Variants in PDSS2 observed in about 807,000 individuals in gnomAD.
PDSS2 encodes all trans-polyprenyl-diphosphate synthase PDSS2.
In PDSS2, 31 loss-of-function variants were observed where a neutral mutation model predicts 44.5. The observed-to-expected ratio is 0.70, with a 90% confidence interval of 0.52 to 0.94. The LOEUF (loss-of-function observed/expected upper bound fraction) is 0.94, where lower values mean the gene tolerates loss of function less well. Among genes scored for constraint, PDSS2 ranks in the 40% least tolerant of loss-of-function variants. The probability of loss-of-function intolerance (pLI) is 0.00; values close to 1 mark genes in which losing one functional copy is unlikely to be tolerated. For missense variants in PDSS2, 452 were observed against 482.2 expected, an observed-to-expected ratio of 0.94 and a Z score of 0.59; for synonymous variants, 157 against 180.3, an observed-to-expected ratio of 0.87 and a Z score of 1.03.
intron 1 of PDSS2, among the ~76,000 whole-genome samples, chr6:107,440,647 T>C (rs1781486695): frequency 6.6e-6 from 1 of 152,238 alleles, no homozygotes; most frequent in Non-Finnish European, 1.5e-5. Flanking sequence ...CCAGGAGATA[T>C]AAAAATGGTG....
chr6:107,265,185 A>AT (rs2114903231), intron 3 of PDSS2, among the ~76,000 whole-genome samples: 1 of 152,312 alleles, frequency 6.6e-6, no homozygotes, highest in East Asian at 1.9e-4. Flanking sequence ...AAGACCCCTA[A>AT]TATCTTCAGG....
At chr6:107,426,180 A>T (rs758056051) in intron 1 of PDSS2, among the ~76,000 whole-genome samples, 1 of 152,136 alleles carries the variant, frequency 6.6e-6, no homozygotes, top group Non-Finnish European at 1.5e-5. Context: ...TCCGCTGTGT[A>T]GTCTAGGGAC....
At chr6:107,450,165 G>T (rs1236476433) in intron 1 of PDSS2, among the ~76,000 whole-genome samples, 1 of 152,120 alleles carries the variant, frequency 6.6e-6, no homozygotes, top group African/African-American at 2.4e-5. Context: ...CCAAGTTGTT[G>T]TATCAGTGGT....
At chr6:107,280,205 A>G (rs1775916316) in intron 2 of PDSS2, among the ~76,000 whole-genome samples, 1 of 152,118 alleles carries the variant, frequency 6.6e-6, no homozygotes, top group South Asian at 2.1e-4. Flanking sequence ...GATTACAGGC[A>G]TGCGCCATGA....
rs1177940710 is a variant in PDSS2 at position 107,239,634 on chromosome 6, CTTTTTTTTTTTTT to C, written c.702+5901_702+5913del. On this transcript the variant is annotated intron_variant, in intron 4 of 7. Transcript: ENST00000369037. ...ATTATTTAATAAACATGTACTCTACCTTTTTTTTTTTTTTTTTTTTTTTTTGAGACAGAGTCTC... is the reference window on the plus strand; with the variant it reads ...ATTATTTAATAAACATGTACTCTACCTTTTTTTTTTTTGAGACAGAGTCTC... Among the ~76,000 whole-genome samples, 7 of 76,926 alleles carry C rather than the reference CTTTTTTTTTTTTT, an allele frequency of 9.1e-5. No individual in the cohort carries two copies. The East Asian group carries it at 2.3e-3, about 25-fold the overall frequency. The allele number at this position is 76,926 out of a possible 152,430, so 50.5% of individuals were successfully genotyped here. A position where few individuals can be genotyped will look rare whatever the true frequency, so the allele number is the denominator to read the frequency against.
chr6:107,262,843 AGGCCAAG>A (rs1316817612), intron 3 of PDSS2, among the ~76,000 whole-genome samples: 1 of 152,058 alleles, frequency 6.6e-6, no homozygotes, highest in Non-Finnish European at 1.5e-5. Context: ...ACACTTGGGG[AGGCCAAG>A]GATCATTTGA....
intron 4 of PDSS2, among the ~76,000 whole-genome samples, chr6:107,241,540 G>A (rs1340604343): frequency 2.6e-5 from 4 of 151,678 alleles, no homozygotes; most frequent in Non-Finnish European, 4.4e-5. Context: ...TAGAGACAGG[G>A]TTTCACCGTG....
chr6:107,455,027 T>C (rs1020410495), intron 1 of PDSS2, among the ~76,000 whole-genome samples: 2 of 152,044 alleles, frequency 1.3e-5, no homozygotes, highest in African/African-American at 2.4e-5. Context: ...TTGTAGTAAA[T>C]AGAATAAAAT....
chr6:107,263,668 G>A (rs1014868695), intron 3 of PDSS2, among the ~76,000 whole-genome samples: 5 of 151,982 alleles, frequency 3.3e-5, no homozygotes, highest in Non-Finnish European at 4.4e-5. Flanking sequence ...TTTAAAATTC[G>A]TCTTATTTCT....
intron 1 of PDSS2, among the ~76,000 whole-genome samples, chr6:107,363,109 A>G (rs1411733137): frequency 6.6e-6 from 1 of 152,248 alleles, no homozygotes; most frequent in African/African-American, 2.4e-5. Context: ...AGGGGCACAG[A>G]AAATACTTGA....
rs150343431 is a variant in PDSS2, at chr6:107,306,945, G to C, written c.431+27253C>G. On this transcript the variant is annotated intron_variant, in intron 2 of 7. Coordinates refer to ENST00000369037, the MANE Select transcript of PDSS2 (RefSeq NM_020381.4). ...CAAATAGTTATAAGCATAAGGATCT[G>C]ATTTTCACAGAGACCTCTAAGACCA... Among the ~76,000 whole-genome samples, 43 of 152,294 alleles carry C rather than the reference G, an allele frequency of 2.8e-4. No individual in the cohort carries two copies. The East Asian group carries it at 8.1e-3, about 29-fold the overall frequency.
intron 1 of PDSS2, among the ~76,000 whole-genome samples, chr6:107,437,845 G>A (rs1479787472): frequency 1.3e-5 from 2 of 152,134 alleles, no homozygotes; most frequent in African/African-American, 2.4e-5. Flanking sequence ...TCTCCTGATT[G>A]AGGCCAGAAG....
Position 107,459,268 on chromosome 6 carries a change from C to T in PDSS2, c.18G>A (p.Leu6=). The change falls in exon 1 of 8, where the codon CTG becomes CTA. Residue 6 remains leucine (L), a synonymous_variant. Coordinates refer to ENST00000369037, the MANE Select transcript of PDSS2 (RefSeq NM_020381.4). The surrounding 1 kb of genome is among the most constrained non-coding windows in gnomAD (Gnocchi z 4.3). MNFRQ[L]LLHLPRYLGA... Reference sequence around the variant, plus strand: ...CAAGATAACGTGGCAAGTGCAACAGCAGCTGCCGAAAGTTCATGGTTTGAG... The same window carrying T: ...CAAGATAACGTGGCAAGTGCAACAGTAGCTGCCGAAAGTTCATGGTTTGAG... The T allele has an allele frequency of 6.2e-7, 1 of 1,614,102 alleles. No individual in the cohort carries two copies. The highest frequency in any genetic ancestry group is 1.1e-5 in the South Asian group (1 of 91,086).
chr6:107,276,798 C>T (rs1341250949), intron 2 of PDSS2, among the ~76,000 whole-genome samples: 3 of 152,238 alleles, frequency 2.0e-5, no homozygotes, highest in Non-Finnish European at 4.4e-5. Context: ...TGCATTGGGG[C>T]TTACACTCTT....
chr6:107,241,617 AT>A (rs1312716593), intron 4 of PDSS2, among the ~76,000 whole-genome samples: 5 of 152,128 alleles, frequency 3.3e-5, no homozygotes, highest in African/African-American at 1.2e-4. Flanking sequence ...AAGTGCTGGG[AT>A]TACAGGCGTA....
At chr6:107,425,761 A>C (rs1440743979) in intron 1 of PDSS2, among the ~76,000 whole-genome samples, 1 of 152,170 alleles carries the variant, frequency 6.6e-6, no homozygotes, top group Non-Finnish European at 1.5e-5. Context: ...GGAAATCGAG[A>C]CCATCCTGGC....
At chr6:107,222,108 T>A (rs1773626888) in intron 4 of PDSS2, among the ~76,000 whole-genome samples, 1 of 152,220 alleles carries the variant, frequency 6.6e-6, no homozygotes, top group African/African-American at 2.4e-5. Flanking sequence ...TTCACCATGT[T>A]AAATGTTTGC....
chr6:107,196,532 C>T (rs1338918715), intron 6 of PDSS2, among the ~76,000 whole-genome samples: 1 of 152,200 alleles, frequency 6.6e-6, no homozygotes, highest in Non-Finnish European at 1.5e-5. Context: ...CATCCTTTTC[C>T]TTGTCTTTTG....
chr6:107,351,697 T>C (rs1379948393), intron 1 of PDSS2, among the ~76,000 whole-genome samples: 1 of 152,172 alleles, frequency 6.6e-6, no homozygotes, highest in East Asian at 1.9e-4. Context: ...ACATAAAAAA[T>C]AGTTAAAATT....
Sources: allele counts gnomAD v4.1 joint callset (sites outside exome capture counted in the v4.1 genomes callset), GRCh38; gene constraint gnomAD v4.1.1; non-coding constraint Gnocchi (gnomAD v3.1); transcripts MANE v1.5; gene names NCBI Gene and HGNC (gene_info 2026-07-23, HGNC 2026-07-21).